Variants in MAPK15 observed in about 807,000 individuals in gnomAD.
MAPK15 encodes ERK-7.
MAPK15 carries 61 observed loss-of-function variants against 60.8 expected under a neutral mutation model. The ratio of observed to expected loss-of-function variants is 1.00; its 90% CI spans 0.82 to 1.24. MAPK15 has a LOEUF of 1.24. Among genes scored for constraint, MAPK15 ranks in the 50% most tolerant of loss-of-function variants. The pLI is 0.00. For synonymous variants in MAPK15, 356 were observed against 319.9 expected (o/e 1.11, Z -1.21); for missense variants, 808 against 741.1 (o/e 1.09, Z -1.05).
rs1018333350 is a variant in MAPK15 at position 143,718,878 on chromosome 8, G to C, written c.390G>C (p.Ser130=). The part of the protein sequence containing the change: ...QLLRATRFLH[S]GHVVHRDQKP... Reference sequence around the variant, plus strand: ...TGCGGGCCACCCGGTTCCTCCACTCGGGGCACGTTGTGCACCGGGACCAGA... The same window carrying C: ...TGCGGGCCACCCGGTTCCTCCACTCCGGGCACGTTGTGCACCGGGACCAGA... The change falls in exon 5 of 14, where the codon TCG becomes TCC. Residue 130 remains serine, a synonymous_variant. Coordinates refer to ENST00000338033, the MANE Select transcript of MAPK15 (RefSeq NM_139021.3). The C allele has an allele frequency of 3.7e-6, 6 of 1,610,148 alleles. No homozygotes were observed. The highest frequency in any genetic ancestry group is 4.5e-5 in the East Asian group (2 of 44,844).
Position 143,722,398 on chromosome 8 carries a change from C to A in MAPK15, c.*147C>A. 3.2e-6 allele frequency: 2 copies of A among 633,868 alleles called. No individual in the cohort carries two copies. Among genetic ancestry groups the A allele is most frequent in the Non-Finnish European group, 5.1e-6 (2 of 391,210 alleles). 39.3% of individuals were successfully genotyped at this position (633,868 alleles called of 1,614,324 possible). On this transcript the variant is annotated 3_prime_UTR_variant, in exon 14 of 14. Coordinates refer to ENST00000338033, the MANE Select transcript of MAPK15 (RefSeq NM_139021.3). ...GCTTGCCCGGGTCTCCTCGGGGGAG[C>A]AGATGAGGGCCCTGCCCCCGCCCCA...
At chr8:143,719,511 G>A (rs11778657) in intron 7 of MAPK15, 29 bp downstream of exon 7, 1,139,021 of 1,599,816 alleles carry the variant, frequency 0.71, 420,857 homozygotes, top group Non-Finnish European at 0.76. Flanking sequence ...GCTGGGCACC[G>A]GGAATGCTGC....
Position 143,720,728 on chromosome 8 carries a change from C to T in MAPK15, c.805C>T (p.Leu269=), listed in dbSNP as rs2131580306. 2 of 1,612,926 alleles carry T rather than the reference C, an allele frequency of 1.2e-6. No individual in the cohort carries two copies. Among genetic ancestry groups the T allele is most frequent in the East Asian group, 2.2e-5 (1 of 44,832 alleles). The change falls in exon 9 of 14, where the codon CTA becomes TTA. Residue 269 remains leucine (L), a synonymous_variant. Transcript: ENST00000338033. The surrounding 1 kb of genome is among the most constrained non-coding windows in gnomAD (Gnocchi z 4.6). ...GCCACGACAGACGCTGGATGCCCTC[C>T]TACCGCCAGACACCTCCCCAGAGGC... ...SRPRQTLDAL[L]PPDTSPEALD... is the part of the protein sequence containing the mutation.
rs1281676712 is a variant in MAPK15 at position 143,721,077 on chromosome 8, T to G, written c.995T>G (p.Val332Gly). The change falls in exon 10 of 14, where the codon GTG becomes GGG. Residue 332 changes from valine (V) to glycine (G), a missense_variant. Val to Gly is a moderately radical substitution (Grantham distance 109). Transcript: ENST00000338033. ...PRAHEGVQLS[V>G]PEYRSRVYQM... ...GCACACGAAGGGGTCCAGCTCTCTGTGCCTGAGTACCGCAGCCGCGTCTAT... is the reference window on the plus strand; with the variant it reads ...GCACACGAAGGGGTCCAGCTCTCTGGGCCTGAGTACCGCAGCCGCGTCTAT... 30 of 1,611,710 alleles carry G rather than the reference T, an allele frequency of 1.9e-5. No homozygotes were observed. The highest frequency in any genetic ancestry group is 2.5e-5 in the Non-Finnish European group (30 of 1,179,408).
rs1374231584 is a variant in MAPK15 at position 143,720,287 on chromosome 8, G to A, written c.779G>A (p.Arg260Gln). The A allele has an allele frequency of 1.1e-5, 17 of 1,585,568 alleles. No individual in the cohort carries two copies. Among genetic ancestry groups the A allele is most frequent in the African/African-American group, 5.4e-5 (4 of 74,432 alleles). The change falls in exon 8 of 14, where the codon CGG becomes CAG. Residue 260 changes from arginine to glutamine, a missense_variant and splice_region_variant. By Grantham distance (43) the Arg-to-Gln change is conservative (BLOSUM62 1). Transcript: ENST00000338033. The surrounding 1 kb of genome is among the most constrained non-coding windows in gnomAD (Gnocchi z 4.6). ...TCTGTGCTGCACCAGCTGGGGTCCC[G>A]GTGAGTGGGGGCACTTCGGTGAGGG... ...RASVLHQLGS[R>Q]PRQTLDALLP...
Position 143,718,337 on chromosome 8 carries a change from C to G in MAPK15, c.286+35C>G, listed in dbSNP as rs782080827. On this transcript the variant is annotated intron_variant, in intron 4 of 13. Transcript: ENST00000338033. ...GCCCCGGCCAGCGCCCCAGCCCCAC[C>G]TCTGTTCTGTCCTGACGCCGTCTGC... 3 of 1,594,320 alleles carry G rather than the reference C, an allele frequency of 1.9e-6. No homozygotes were observed. The East Asian group carries it at 6.7e-5, about 36-fold the overall frequency.
In MAPK15 at chr8:143,722,152, G is replaced by T. The variant is rs781814619; in HGVS notation, c.1536G>T (p.Gly512=). 2 of 1,611,674 alleles carry T rather than the reference G, an allele frequency of 1.2e-6. No individual in the cohort carries two copies. Residue 512 remains glycine (G), a synonymous_variant, in exon 14 of 14, where the codon GGG becomes GGT. Transcript: ENST00000338033. ...CCTCTGCCTTGCAGGGTGCCCAGGG[G>T]GGTGCCAGGGCTTTGCTTGGAGGCT... ...FSTSALQGAQ[G]GARALLGGYS...
Position 143,721,590 on chromosome 8 carries a change from GCTC to G in MAPK15, c.1248_1250del (p.Pro417del). The stretch of plus-strand genomic sequence containing the variant: ...CAAGAACGTTCCCAGGCAGAACTCC[GCTC>G]CCCTGCTCCAAACTGCTCTCCTAGG... On this transcript the variant is annotated inframe_deletion, in exon 12 of 14. Transcript: ENST00000338033. 1 of 1,613,288 alleles carries G rather than the reference GCTC, an allele frequency of 6.2e-7. No individual in the cohort carries two copies.
intron 1 of MAPK15, among the ~76,000 whole-genome samples, chr8:143,717,450 A>G (rs1002179257): frequency 6.6e-6 from 1 of 152,244 alleles, no homozygotes; most frequent in Middle Eastern, 3.4e-3. Context: ...TTTCCTGCCC[A>G]GACGCTCCCC....
rs1249150117 is a variant in MAPK15, at chr8:143,721,626, G to A, written c.1282G>A (p.Glu428Lys). Residue 428 changes from glutamate to lysine, a missense_variant, in exon 12 of 14, where the codon GAA becomes AAA. Coordinates refer to ENST00000338033, the MANE Select transcript of MAPK15 (RefSeq NM_139021.3). ...CCAAACTGCTCTCCTAGGGAATGGG[G>A]AAAGGCCCCCTGGGGCGAAGGAAGC... ...LLQTALLGNG[E>K]RPPGAKEAPP... 10 of 1,611,770 alleles carry A rather than the reference G, an allele frequency of 6.2e-6. No homozygotes were observed. In the Admixed American group the frequency reaches 1.2e-4, roughly 19 times the overall value.
chr8:143,721,558 G>T lies in MAPK15; in HGVS notation c.1214G>T (p.Arg405Leu), dbSNP rs782786398. ...CCCACTGACCCCACAGAGTCCCCCC[G>T]TGCAGCCAAGAACGTTCCCAGGCAG... ...GHDPAEHESPRAAKNVPRQNS... is the reference protein window; with the variant it reads ...GHDPAEHESPLAAKNVPRQNS... The change falls in exon 12 of 14, where the codon CGT (arginine) becomes CTT (leucine). Residue 405 changes from arginine (R) to leucine (L), a missense_variant. Transcript: ENST00000338033. 7.4e-6 allele frequency: 12 copies of T among 1,613,538 alleles called. No individual in the cohort carries two copies. Among genetic ancestry groups the T allele is most frequent in the East Asian group, 2.2e-5 (1 of 44,880 alleles).
intron 4 of MAPK15, 22 bp downstream of exon 4, chr8:143,718,324 G>A (rs201320720): frequency 1.0e-4 from 164 of 1,606,526 alleles, no homozygotes; most frequent in Admixed American, 4.3e-4. Context: ...CCCGGCCAGC[G>A]CCCCAGCCCC....
rs1554618658 is a variant in MAPK15, at chr8:143,717,756, A to C, written c.129A>C (p.Lys43Asn). 1 of 1,612,376 alleles carries C rather than the reference A, an allele frequency of 6.2e-7. No homozygotes were observed. Among genetic ancestry groups the C allele is most frequent in the African/African-American group, 1.3e-5 (1 of 74,888 alleles). Residue 43 changes from lysine to asparagine, a missense_variant, in exon 2 of 14, where the codon AAA (lysine) becomes AAC (asparagine). Physicochemically the swap from Lys to Asn is moderately conservative, Grantham distance 94. Coordinates refer to ENST00000338033, the MANE Select transcript of MAPK15 (RefSeq NM_139021.3). The stretch of plus-strand genomic sequence containing the variant: ...CTGGTGAGGTCGTGGCCATCAAGAA[A>C]ATCTTTGATGCTTTTAGGGATAAGA... ...RRTGEVVAIKKIFDAFRDKTD... is the reference protein window; with the variant it reads ...RRTGEVVAIKNIFDAFRDKTD...
chr8:143,720,085 TG>T lies in MAPK15; in HGVS notation c.722-141del. 1 of 1,198,558 alleles carries T rather than the reference TG, an allele frequency of 8.3e-7. No individual in the cohort carries two copies. The highest frequency in any genetic ancestry group is 2.8e-4 in the Middle Eastern group (1 of 3,576). The allele number at this position is 1,198,558 out of a possible 1,614,324, so 74.2% of individuals were successfully genotyped here. A position where few individuals can be genotyped will look rare whatever the true frequency, so the allele number is the denominator to read the frequency against. ...CAGGCTGGGTGGCACGCCCTGGTGA[TG>T]GGGTGTTTGAGCCCCGCCAGACAGC... On this transcript the variant is annotated intron_variant, in intron 7 of 13. Transcript: ENST00000338033. The surrounding 1 kb of genome is among the most constrained non-coding windows in gnomAD (Gnocchi z 4.6).
rs782784031 is a variant in MAPK15 at position 143,722,141 on chromosome 8, G to C, written c.1525G>C (p.Gly509Arg). The C allele has an allele frequency of 6.2e-7, 1 of 1,611,724 alleles. No individual in the cohort carries two copies. The highest frequency in any genetic ancestry group is 8.5e-7 in the Non-Finnish European group (1 of 1,179,546). Residue 509 changes from glycine (G) to arginine (R), a missense_variant, in exon 14 of 14, where the codon GGT (glycine) becomes CGT (arginine). Physicochemically the swap from Gly to Arg is moderately radical, Grantham distance 125 (BLOSUM62 -2). Transcript: ENST00000338033. ...RRMFSTSALQ[G>R]AQGGARALLG... ...GATGTTCAGCACCTCTGCCTTGCAG[G>C]GTGCCCAGGGGGGTGCCAGGGCTTT...
chr8:143,722,167 G>T lies in MAPK15; in HGVS notation c.1551G>T (p.Leu517Phe). Residue 517 changes from leucine to phenylalanine, a missense_variant, in exon 14 of 14, where the codon TTG becomes TTT. Transcript: ENST00000338033. ...GTGCCCAGGGGGGTGCCAGGGCTTTGCTTGGAGGCTACTCCCAAGCCTACG... is the reference window on the plus strand; with the variant it reads ...GTGCCCAGGGGGGTGCCAGGGCTTTTCTTGGAGGCTACTCCCAAGCCTACG... ...LQGAQGGARA[L>F]LGGYSQAYGT... 6.2e-7 allele frequency: 1 copy of T among 1,610,926 alleles called. No individual in the cohort carries two copies. The highest frequency in any genetic ancestry group is 8.5e-7 in the Non-Finnish European group (1 of 1,179,186).
chr8:143,721,285 G>T lies in MAPK15; in HGVS notation c.1078G>T (p.Gly360Cys). 6.2e-7 allele frequency: 1 copy of T among 1,613,540 alleles called. No homozygotes were observed. The highest frequency in any genetic ancestry group is 8.5e-7 in the Non-Finnish European group (1 of 1,179,882). Residue 360 changes from glycine to cysteine, a missense_variant, in exon 11 of 14, where the codon GGT becomes TGT. Gly to Cys is a radical substitution (Grantham distance 159). Coordinates refer to ENST00000338033, the MANE Select transcript of MAPK15 (RefSeq NM_139021.3). ...SGTSREKGPEGVSPSQAHLHK... is the reference protein window; with the variant it reads ...SGTSREKGPECVSPSQAHLHK... ...CACCTCGAGAGAGAAGGGCCCGGAG[G>T]GTGTCTCCCCAAGCCAGGCACACCT...
rs532069482 is a variant in MAPK15, at chr8:143,718,317, G to T, written c.286+15G>T. On this transcript the variant is annotated intron_variant, in intron 4 of 13. Transcript: ENST00000338033. ...TGAGTTTATGGGTGAGTGAGGCCCCGGCCAGCGCCCCAGCCCCACCTCTGT... is the reference window on the plus strand; with the variant it reads ...TGAGTTTATGGGTGAGTGAGGCCCCTGCCAGCGCCCCAGCCCCACCTCTGT... 1 of 1,612,046 alleles carries T rather than the reference G, an allele frequency of 6.2e-7. No homozygotes were observed. The highest frequency in any genetic ancestry group is 1.1e-5 in the South Asian group (1 of 91,064).
chr8:143,717,801 G>A lies in MAPK15; in HGVS notation c.165+9G>A. The A allele has an allele frequency of 6.2e-7, 1 of 1,607,338 alleles. No homozygotes were observed. On this transcript the variant is annotated intron_variant, in intron 2 of 13. Coordinates refer to ENST00000338033, the MANE Select transcript of MAPK15 (RefSeq NM_139021.3). The stretch of plus-strand genomic sequence containing the variant: ...ATAAGACAGATGCCCAGGTGAGTGT[G>A]TGGGGAGAAGCGTGGGAGAGGATGG...
Sources: gnomAD v4.1 joint callset for allele counts (sites outside exome capture counted in the v4.1 genomes callset) on GRCh38, gnomAD v4.1.1 for gene constraint, Gnocchi (gnomAD v3.1) non-coding constraint, MANE v1.5 for transcripts, NCBI Gene and HGNC (gene_info 2026-07-23, HGNC 2026-07-21) for gene names.